Variants in ZFR observed in about 807,000 individuals in gnomAD.
ZFR encodes zinc finger RNA binding protein, also known as zinc finger RNA-binding protein.
A neutral mutation model predicts 130.7 loss-of-function variants in ZFR; 19 were observed. The ratio of observed to expected loss-of-function variants is 0.15; its 90% CI spans 0.10 to 0.21. The LOEUF (loss-of-function observed/expected upper bound fraction) is 0.21, where lower values mean the gene tolerates loss of function less well. ZFR is among the 10% of genes least tolerant of loss of function. ZFR has a pLI of 1.00. For missense variants in ZFR, 872 were observed against 1,321.5 expected, an observed-to-expected ratio of 0.66 and a Z score of 5.27; for synonymous variants, 466 against 456.9, an observed-to-expected ratio of 1.02 and a Z score of -0.25.
chr5:32,391,404 G>T (rs1478599956), intron 11 of ZFR, among the ~76,000 whole-genome samples: 2 of 152,146 alleles, frequency 1.3e-5, no homozygotes, highest in Non-Finnish European at 2.9e-5. Flanking sequence ...AAACTTCACG[G>T]TTGCTGGTTC....
At position 32,426,811 on chromosome 5, in the gene ZFR, G is replaced by A. The variant is rs532374370; in HGVS notation, c.138-6708C>T. ...CCAGCTACTTGGGAGGCTGAAGCACGGGAATTGCTTGAAAACCCAGGGGGC... is the reference window on the plus strand; with the variant it reads ...CCAGCTACTTGGGAGGCTGAAGCACAGGAATTGCTTGAAAACCCAGGGGGC... On this transcript the variant is annotated intron_variant, in intron 2 of 19. Transcript: ENST00000265069. Among the ~76,000 whole-genome samples the A allele has an allele frequency of 5.3e-5, 8 of 151,648 alleles. No homozygotes were observed. The South Asian group carries it at 1.5e-3, about 28-fold the overall frequency.
intron 17 of ZFR, chr5:32,365,041 C>T (rs1392868465): frequency 6.6e-6 from 1 of 152,178 alleles, no homozygotes; most frequent in Non-Finnish European, 1.5e-5. Flanking sequence ...TAAATCACTT[C>T]CAGTTTCTAC....
intron 10 of ZFR, among the ~76,000 whole-genome samples, chr5:32,396,589 T>C (rs1753319045): frequency 6.6e-6 from 1 of 151,770 alleles, no homozygotes. Context: ...AATACAAAAA[T>C]TAGCTGGGCA....
At chr5:32,361,060 T>C (rs1581675609) in intron 19 of ZFR, among the ~76,000 whole-genome samples, 1 of 152,222 alleles carries the variant, frequency 6.6e-6, no homozygotes, top group Non-Finnish European at 1.5e-5. Flanking sequence ...ACCAATCCTC[T>C]TGCCTCAGCC....
chr5:32,397,317 C>T lies in ZFR; in HGVS notation c.1735G>A (p.Val579Ile), dbSNP rs763724540. 6.8e-6 allele frequency: 11 copies of T among 1,612,846 alleles called. No individual in the cohort carries two copies. The highest frequency in any genetic ancestry group is 1.3e-5 in the African/African-American group (1 of 75,024). The change falls in exon 10 of 20, where the codon GTA (valine) becomes ATA (isoleucine). Residue 579 changes from valine to isoleucine, a missense_variant. This residue lies in a region of ZFR where 54 missense variants were observed against 119.9 expected (regional missense o/e 0.45). Coordinates refer to ENST00000265069, the MANE Select transcript of ZFR (RefSeq NM_016107.5). Reference sequence around the variant, plus strand: ...CATAATTTACAATGGAACCGAATTACTTTTCCTTCATCATTTCGTACCTTG... The same window carrying T: ...CATAATTTACAATGGAACCGAATTATTTTTCCTTCATCATTTCGTACCTTG... ...VEEVRNDEGK[V>I]IRFHCKLCEC...
chr5:32,388,819 A>G (rs1282031098), intron 12 of ZFR, 145 bp from the exon 13 acceptor site: 1 of 769,110 alleles, frequency 1.3e-6, no homozygotes, highest in Non-Finnish European at 2.1e-6. Flanking sequence ...ACGAAAATGC[A>G]AACTATGGAA....
At chr5:32,367,510 T>C (rs1752574423) in intron 17 of ZFR, among the ~76,000 whole-genome samples, 1 of 151,990 alleles carries the variant, frequency 6.6e-6, no homozygotes, top group Admixed American at 6.6e-5. Context: ...AGCCTTGACC[T>C]CCCAGGCTCA....
intron 2 of ZFR, among the ~76,000 whole-genome samples, chr5:32,425,932 C>A (rs531889925): frequency 3.5e-4 from 53 of 152,218 alleles, no homozygotes; most frequent in Non-Finnish European, 6.5e-4. Flanking sequence ...GTTTGAGAAT[C>A]TTCATTTCAT....
intron 15 of ZFR, among the ~76,000 whole-genome samples, chr5:32,381,898 A>T (rs112323433): frequency 6.6e-6 from 1 of 152,236 alleles, no homozygotes; most frequent in Non-Finnish European, 1.5e-5. Context: ...CTCAAAACTT[A>T]TAAGACCAAC....
At chr5:32,428,120 C>T (rs1383121357) in intron 2 of ZFR, among the ~76,000 whole-genome samples, 2 of 152,096 alleles carry the variant, frequency 1.3e-5, no homozygotes, top group Non-Finnish European at 2.9e-5. Flanking sequence ...GAGACTACAC[C>T]AAAATTAAAA....
intron 17 of ZFR, among the ~76,000 whole-genome samples, chr5:32,370,310 G>GGAGAGAGAGAGAGAGAGAGA (rs769362722): frequency 5.7e-5 from 4 of 69,856 alleles, no homozygotes; most frequent in Admixed American, 5.0e-4. Flanking sequence ...TGTTGTGGGG[G>GGAGAGAGAGAGAGAGAGAGA]GAGAGAGAGA....
chr5:32,371,280 G>A (rs1438339369), intron 17 of ZFR, among the ~76,000 whole-genome samples: 1 of 152,226 alleles, frequency 6.6e-6, no homozygotes, highest in African/African-American at 2.4e-5. Context: ...TCAGGCAGAA[G>A]GAATGCTTGA....
At chr5:32,378,077 T>A (rs746259288) in intron 17 of ZFR, among the ~76,000 whole-genome samples, 3 of 152,176 alleles carry the variant, frequency 2.0e-5, no homozygotes, top group Non-Finnish European at 4.4e-5. Flanking sequence ...ATATAATTAG[T>A]CTAATAGTTT....
chr5:32,363,587 G>A (rs1032271159), intron 19 of ZFR, among the ~76,000 whole-genome samples: 2 of 152,056 alleles, frequency 1.3e-5, no homozygotes, highest in Non-Finnish European at 1.5e-5. Context: ...TAACAATAAT[G>A]ACCATAAACA....
chr5:32,376,983 T>C (rs1581685183), intron 17 of ZFR, among the ~76,000 whole-genome samples: 1 of 74,526 alleles, frequency 1.3e-5, no homozygotes, highest in East Asian at 3.8e-4. Context: ...AAAAAACCCC[T>C]GTCTCTACTA....
intron 17 of ZFR, among the ~76,000 whole-genome samples, chr5:32,378,715 G>C (rs949380417): frequency 3.3e-5 from 5 of 151,540 alleles, no homozygotes; most frequent in Admixed American, 1.3e-4. Context: ...TATTATTTTT[G>C]AATAATATGT....
intron 5 of ZFR, among the ~76,000 whole-genome samples, chr5:32,410,900 C>T (rs1023165960): frequency 6.6e-6 from 1 of 152,182 alleles, no homozygotes; most frequent in African/African-American, 2.4e-5. Context: ...AAAACAGATA[C>T]TTTATAACTG....
rs766168075 is a variant in ZFR, at chr5:32,406,768, A to G, written c.1032+6T>C. The G allele has an allele frequency of 6.2e-7, 1 of 1,606,350 alleles. No homozygotes were observed. Among genetic ancestry groups the G allele is most frequent in the Non-Finnish European group, 8.5e-7 (1 of 1,178,208 alleles). Reference sequence around the variant, plus strand: ...AGACTCAAGGTAAAACATACAACGTAAGTACCTGTGGTCCAGCACAGCTGA... The same window carrying G: ...AGACTCAAGGTAAAACATACAACGTGAGTACCTGTGGTCCAGCACAGCTGA... On this transcript the variant is annotated splice_donor_region_variant and intron_variant, in intron 6 of 19. Coordinates refer to ENST00000265069, the MANE Select transcript of ZFR (RefSeq NM_016107.5).
intron 1 of ZFR, 84 bp from the exon 2 acceptor site, chr5:32,444,412 AAG>A (rs1259219176): frequency 1.4e-6 from 2 of 1,444,550 alleles, no homozygotes; most frequent in East Asian, 5.6e-5. Flanking sequence ...CAGGGAGAGA[AAG>A]AGAGAGGCGC....
Sources: allele counts gnomAD v4.1 joint callset (sites outside exome capture counted in the v4.1 genomes callset), GRCh38; gene constraint gnomAD v4.1.1; regional missense constraint gnomAD v4.1.1; transcripts MANE v1.5; gene names NCBI Gene and HGNC (gene_info 2026-07-23, HGNC 2026-07-21).